ROS1: variants seen among roughly 807,000 people sequenced by gnomAD.
ROS1 encodes the protein proto-oncogene tyrosine-protein kinase ROS.
A neutral mutation model predicts 273.5 loss-of-function variants in ROS1; 263 were observed. The observed-to-expected ratio is 0.96, with a 90% CI of 0.87 to 1.06. The LOEUF (loss-of-function observed/expected upper bound fraction) is 1.06. Ranked by LOEUF, ROS1 falls within the 50% of genes least tolerant of loss-of-function variation. The pLI is 0.00. For missense variants in ROS1, 2,833 were observed against 2,751.1 expected, an observed-to-expected ratio of 1.03 and a Z score of -0.67; for synonymous variants, 1,008 against 954.1, an observed-to-expected ratio of 1.06 and a Z score of -1.04.
intron 22 of ROS1, among the ~76,000 whole-genome samples, chr6:117,361,568 T>C (rs945295289): frequency 1.3e-5 from 2 of 148,418 alleles, no homozygotes; most frequent in Non-Finnish European, 3.0e-5. Flanking sequence ...TTATATATTC[T>C]ATATAAATAC....
chr6:117,330,786 C>A (rs1390329213), intron 32 of ROS1, among the ~76,000 whole-genome samples: 2 of 152,056 alleles, frequency 1.3e-5, no homozygotes, highest in Non-Finnish European at 2.9e-5. Flanking sequence ...ACAACAACAG[C>A]ATCATCATCA....
chr6:117,360,276 A>ACACACACACACACC, intron 23 of ROS1, 66 bp downstream of exon 23: 1 of 966,998 alleles, frequency 1.0e-6, no homozygotes, highest in Non-Finnish European at 1.5e-6. Context: ...CCAATGGGAC[A>ACACACACACACACC]CACACACACA....
chr6:117,308,390 TC>T (rs1444167848), intron 42 of ROS1, among the ~76,000 whole-genome samples: 5 of 152,014 alleles, frequency 3.3e-5, no homozygotes, highest in Admixed American at 3.3e-4. Context: ...AACAATATAT[TC>T]CCATTTAGTA....
intron 1 of ROS1, among the ~76,000 whole-genome samples, chr6:117,420,803 T>C (rs994977212): frequency 6.6e-6 from 1 of 152,038 alleles, no homozygotes; most frequent in Non-Finnish European, 1.5e-5. Flanking sequence ...TATAGTGCAG[T>C]GCAGGCACTT....
intron 18 of ROS1, among the ~76,000 whole-genome samples, chr6:117,371,498 G>A (rs1780766199): frequency 6.6e-6 from 1 of 152,172 alleles, no homozygotes; most frequent in Admixed American, 6.5e-5. Flanking sequence ...AGTGTAACTG[G>A]AGAAAGACCA....
At chr6:117,363,654 C>A (rs1478489413) in intron 21 of ROS1, among the ~76,000 whole-genome samples, 1 of 152,160 alleles carries the variant, frequency 6.6e-6, no homozygotes, top group Non-Finnish European at 1.5e-5. Context: ...CCTCTTCTTG[C>A]TCCATCTTTC....
chr6:117,381,848 T>G (rs756585248), intron 17 of ROS1, among the ~76,000 whole-genome samples: 1 of 152,172 alleles, frequency 6.6e-6, no homozygotes, highest in Non-Finnish European at 1.5e-5. Context: ...GTTGTACTAA[T>G]TTACATCCCC....
At chr6:117,327,135 C>T (rs1776697824) in intron 33 of ROS1, among the ~76,000 whole-genome samples, 1 of 152,158 alleles carries the variant, frequency 6.6e-6, no homozygotes, top group South Asian at 2.1e-4. Context: ...TGGTGCCAAT[C>T]CACGGTAAGC....
At chr6:117,404,008 G>T (rs571900131) in intron 6 of ROS1, among the ~76,000 whole-genome samples, 4 of 152,180 alleles carry the variant, frequency 2.6e-5, no homozygotes, top group Non-Finnish European at 5.9e-5. Context: ...AGGCCGAGGC[G>T]GGCGGATCAC....
rs563102980 is a variant in ROS1, at chr6:117,287,946, A to G, written c.*546T>C. ...AAAAAAAAAAAAAAATTAAAAAAAG[A>G]TAATATATATATCATTGCAGTAACA... On this transcript the variant is annotated 3_prime_UTR_variant, in exon 44 of 44. Coordinates refer to ENST00000368507, the MANE Select transcript of ROS1 (RefSeq NM_001378902.1). Among the ~76,000 whole-genome samples the G allele has an allele frequency of 4.0e-5, 6 of 151,726 alleles. No homozygotes were observed. The South Asian group carries it at 1.0e-3, about 26-fold the overall frequency.
chr6:117,351,273 G>C (rs533511098), intron 27 of ROS1, among the ~76,000 whole-genome samples: 1 of 152,176 alleles, frequency 6.6e-6, no homozygotes, highest in Admixed American at 6.5e-5. Context: ...GCTGGAGTGG[G>C]CTGGGGTTGG....
chr6:117,415,840 C>A (rs1422683330), intron 3 of ROS1, among the ~76,000 whole-genome samples: 1 of 152,100 alleles, frequency 6.6e-6, no homozygotes, highest in Non-Finnish European at 1.5e-5. Context: ...CACCTGGGAG[C>A]TTGTTACAAG....
At chr6:117,404,540 GC>G in intron 5 of ROS1, 112 bp from the exon 6 acceptor site, 1 of 912,462 alleles carries the variant, frequency 1.1e-6, no homozygotes, top group Non-Finnish European at 1.6e-6. Context: ...ACTGCATCTT[GC>G]CACAATAACT....
chr6:117,369,778 A>G (rs1212357701), intron 18 of ROS1, among the ~76,000 whole-genome samples: 1 of 152,168 alleles, frequency 6.6e-6, no homozygotes, highest in African/African-American at 2.4e-5. Context: ...AACTAGCCAG[A>G]GCTGTCTGCC....
intron 5 of ROS1, among the ~76,000 whole-genome samples, chr6:117,408,438 A>C (rs551231678): frequency 6.6e-6 from 1 of 152,378 alleles, no homozygotes; most frequent in South Asian, 2.1e-4. Context: ...GAAGACATTT[A>C]TGCAGCCAAA....
chr6:117,392,804 C>A (rs960385175), intron 12 of ROS1, among the ~76,000 whole-genome samples: 10 of 152,156 alleles, frequency 6.6e-5, no homozygotes, highest in African/African-American at 2.4e-4. Flanking sequence ...GATGTGAGAA[C>A]CAAACCAGAG....
intron 27 of ROS1, among the ~76,000 whole-genome samples, chr6:117,344,874 G>A (rs949669251): frequency 6.6e-6 from 1 of 152,122 alleles, no homozygotes; most frequent in Admixed American, 6.6e-5. Context: ...CAATGGAAAT[G>A]GTCTGTTCTA....
chr6:117,325,086 G>GAA (rs1281860708), intron 34 of ROS1, among the ~76,000 whole-genome samples: 27 of 152,212 alleles, frequency 1.8e-4, no homozygotes, highest in Admixed American at 1.4e-3. Flanking sequence ...GTTCTTTTCA[G>GAA]AAAAAGTTTG....
At chr6:117,403,077 AAAC>A in intron 7 of ROS1, 59 bp downstream of exon 7, 1 of 1,574,272 alleles carries the variant, frequency 6.4e-7, no homozygotes, top group East Asian at 2.2e-5. Context: ...TTTAAAATAA[AAAC>A]AAACTAAATC....
Sources: allele counts gnomAD v4.1 joint callset (sites outside exome capture counted in the v4.1 genomes callset), GRCh38; gene constraint gnomAD v4.1.1; transcripts MANE v1.5; gene names NCBI Gene and HGNC (gene_info 2026-07-23, HGNC 2026-07-21).